The following HAUS8 variants were observed in gnomAD, a reference collection of about 807,000 sequenced individuals.
HAUS8 encodes HAUS augmin like complex subunit 8.
In HAUS8, 38 loss-of-function variants were observed where a neutral mutation model predicts 42.9. That is an observed-to-expected ratio of 0.89 (90% confidence interval 0.68 to 1.16). The LOEUF (loss-of-function observed/expected upper bound fraction) is 1.16, where lower values mean the gene tolerates loss of function less well. Ranked by LOEUF, HAUS8 falls within the 50% of genes most tolerant of loss-of-function variation. HAUS8 has a pLI of 0.00. For synonymous variants in HAUS8, 199 were observed against 205.8 expected, an observed-to-expected ratio of 0.97 and a Z score of 0.28; for missense variants, 494 against 511.6, an observed-to-expected ratio of 0.97 and a Z score of 0.33.
At chr19:17,066,936 G>A (rs904805540) in intron 3 of HAUS8, among the ~76,000 whole-genome samples, 7 of 152,162 alleles carry the variant, frequency 4.6e-5, no homozygotes, top group Non-Finnish European at 8.8e-5. Context: ...CGGGCATGGC[G>A]GCTCATGCCT....
intron 3 of HAUS8, among the ~76,000 whole-genome samples, chr19:17,068,606 A>G (rs1423754573): frequency 1.3e-5 from 2 of 151,840 alleles, no homozygotes; most frequent in African/African-American, 4.8e-5. Flanking sequence ...GTCTCTACAA[A>G]AACGTTTAAA....
Position 17,055,124 on chromosome 19 carries a change from A to G in HAUS8, c.787+737T>C, listed in dbSNP as rs1341705333. On this transcript the variant is annotated intron_variant, in intron 9 of 10. Transcript: ENST00000253669. ...AACCCCGTCTCTACAGAAAAAAAAA[A>G]AAAAAAAAAAAAAAAAAAAATATAT... is the stretch of plus-strand genomic sequence containing the variant. 41 of 27,654 alleles carry G rather than the reference A, an allele frequency of 1.5e-3. 3 individuals are homozygous for G. Among genetic ancestry groups the G allele is most frequent in the South Asian group, 0.01 (6 of 586 alleles). 1.7% of individuals were successfully genotyped at this position (27,654 alleles called of 1,614,324 possible). A position where few individuals can be genotyped will look rare whatever the true frequency, so the allele number is the denominator to read the frequency against.
At chr19:17,053,051 G>A (rs984494817) in intron 9 of HAUS8, 85 bp from the exon 10 acceptor site, 20 of 1,517,234 alleles carry the variant, frequency 1.3e-5, no homozygotes, top group Non-Finnish European at 1.6e-5. Context: ...ACAGACTTCT[G>A]TCATGATGCT....
At chr19:17,069,662 C>T (rs2057409523) in intron 2 of HAUS8, among the ~76,000 whole-genome samples, 1 of 152,024 alleles carries the variant, frequency 6.6e-6, no homozygotes, top group African/African-American at 2.4e-5. Flanking sequence ...GTGGATGGAA[C>T]AAATGCCACC....
intron 2 of HAUS8, among the ~76,000 whole-genome samples, chr19:17,071,900 C>T (rs530897054): frequency 2.6e-5 from 4 of 152,144 alleles, no homozygotes; most frequent in East Asian, 3.9e-4. Flanking sequence ...GGCAGAGAAT[C>T]GCTTGAACCT....
chr19:17,055,136 A>G (rs1318796263), intron 9 of HAUS8: 2,242 of 32,732 alleles, frequency 0.068, 139 homozygotes, highest in Non-Finnish European at 0.092. Context: ...AAAAAAAAAA[A>G]AAAAAAAATA....
chr19:17,075,445 C>T lies in HAUS8; in HGVS notation c.-23G>A, dbSNP rs1222726793. ...CATTTTCCCGCCTTCCACCTCAAGGCCCGACCCGCCGGCTTTTCAAAGCCG... is the reference window on the plus strand; with the variant it reads ...CATTTTCCCGCCTTCCACCTCAAGGTCCGACCCGCCGGCTTTTCAAAGCCG... On this transcript the variant is annotated 5_prime_UTR_variant, in exon 1 of 11. Transcript: ENST00000253669. 1.9e-6 allele frequency: 3 copies of T among 1,613,268 alleles called. No homozygotes were observed. Among genetic ancestry groups the T allele is most frequent in the Non-Finnish European group, 2.5e-6 (3 of 1,179,788 alleles).
rs553918932 is a variant in HAUS8, at chr19:17,070,613, G to A, written c.92-1527C>T. 3.1e-4 allele frequency among the ~76,000 whole-genome samples: 47 copies of A among 152,260 alleles called. 1 individual carries two copies. Among genetic ancestry groups the A allele is most frequent in the Admixed American group, 2.9e-3 (45 of 15,296 alleles). On this transcript the variant is annotated intron_variant, in intron 2 of 10. Coordinates refer to ENST00000253669, the MANE Select transcript of HAUS8 (RefSeq NM_033417.2). Reference sequence around the variant, plus strand: ...CACACTTGTCTCTGCCTGCCATTTCGTCACAGCATCTGTCATCATCTAGCA... The same window carrying A: ...CACACTTGTCTCTGCCTGCCATTTCATCACAGCATCTGTCATCATCTAGCA...
intron 8 of HAUS8, 33 bp from the exon 9 acceptor site, chr19:17,056,035 T>C (rs756017296): frequency 6.2e-7 from 1 of 1,608,660 alleles, no homozygotes; most frequent in Non-Finnish European, 8.5e-7. Context: ...GGGGAGACCC[T>C]GGAGTCCCCT....
At chr19:17,072,753 C>T (rs1261250065) in intron 2 of HAUS8, among the ~76,000 whole-genome samples, 1 of 151,684 alleles carries the variant, frequency 6.6e-6, no homozygotes, top group Non-Finnish European at 1.5e-5. Flanking sequence ...TGATCCCAGA[C>T]CGATAGGTGG....
intron 2 of HAUS8, among the ~76,000 whole-genome samples, chr19:17,069,655 G>A (rs1300907150): frequency 6.6e-6 from 1 of 151,828 alleles, no homozygotes; most frequent in Non-Finnish European, 1.5e-5. Context: ...CGTGACTGTG[G>A]ATGGAACAAA....
At chr19:17,070,058 A>C (rs141815975) in intron 2 of HAUS8, among the ~76,000 whole-genome samples, 2,354 of 151,850 alleles carry the variant, frequency 0.016, 29 homozygotes, top group South Asian at 0.046. Context: ...CAGATGCTGG[A>C]GGTCATTCTT....
At chr19:17,058,012 G>A (rs763800292) in intron 8 of HAUS8, among the ~76,000 whole-genome samples, 2 of 152,164 alleles carry the variant, frequency 1.3e-5, no homozygotes, top group Non-Finnish European at 2.9e-5. Context: ...CCTCAATCTC[G>A]GACTTTCAGC....
At chr19:17,057,005 A>G (rs2057330796) in intron 8 of HAUS8, among the ~76,000 whole-genome samples, 1 of 152,156 alleles carries the variant, frequency 6.6e-6, no homozygotes. Flanking sequence ...TCAGCTTCCC[A>G]AGTAGCTGGG....
At chr19:17,056,970 C>G (rs918981785) in intron 8 of HAUS8, among the ~76,000 whole-genome samples, 2 of 152,212 alleles carry the variant, frequency 1.3e-5, no homozygotes, top group Admixed American at 6.5e-5. Context: ...GCCTCCACCT[C>G]CCAGGGTCAA....
At chr19:17,065,768 G>A (rs908561355) in intron 3 of HAUS8, among the ~76,000 whole-genome samples, 1 of 151,122 alleles carries the variant, frequency 6.6e-6, no homozygotes, top group Non-Finnish European at 1.5e-5. Context: ...AGGTTGCAGT[G>A]AGCCAAGATC....
At chr19:17,060,224 C>CAAAAA in intron 4 of HAUS8, 132 bp from the exon 5 acceptor site, 1 of 207,358 alleles carries the variant, frequency 4.8e-6, no homozygotes, top group South Asian at 1.7e-4. Context: ...GGTGGAAAGG[C>CAAAAA]TAAAAAAAAA....
chr19:17,069,548 C>A (rs12461874), intron 2 of HAUS8, among the ~76,000 whole-genome samples: 47,382 of 149,388 alleles, frequency 0.32, 7,960 homozygotes, highest in South Asian at 0.45. Context: ...GGACCCCCTG[C>A]CCTGAGACAT....
chr19:17,068,061 C>T (rs897998486), intron 3 of HAUS8, among the ~76,000 whole-genome samples: 1 of 150,908 alleles, frequency 6.6e-6, no homozygotes, highest in Non-Finnish European at 1.5e-5. Flanking sequence ...TCATTTTTCC[C>T]ATAGTTTTTC....
Sources: allele counts gnomAD v4.1 joint callset (sites outside exome capture counted in the v4.1 genomes callset), GRCh38; gene constraint gnomAD v4.1.1; transcripts MANE v1.5; gene names NCBI Gene and HGNC (gene_info 2026-07-23, HGNC 2026-07-21).